Variants in TENM4 observed in about 807,000 individuals in gnomAD.
TENM4 encodes the protein teneurin transmembrane protein 4, also known as teneurin-4.
In TENM4, 82 loss-of-function variants were observed where a neutral mutation model predicts 243.3. The ratio of observed to expected loss-of-function variants is 0.34; its 90% confidence interval spans 0.28 to 0.40. TENM4 has a LOEUF of 0.40. Ranked by LOEUF, TENM4 falls within the 10% of genes least tolerant of loss-of-function variation. The probability of loss-of-function intolerance (pLI) is 1.00; values close to 1 mark genes in which losing one functional copy is unlikely to be tolerated. For missense variants in TENM4, 3,138 were observed against 3,673.3 expected (o/e 0.85, Z 3.77); for synonymous variants, 1,412 against 1,456.3 (o/e 0.97, Z 0.69).
At chr11:78,915,362 C>T (rs1207666639) in intron 6 of TENM4, among the ~76,000 whole-genome samples, 1 of 152,140 alleles carries the variant, frequency 6.6e-6, no homozygotes, top group Admixed American at 6.5e-5. Flanking sequence ...AGACTGTACG[C>T]TCCAAGGGCA....
chr11:78,767,611 G>A (rs1247928306), intron 18 of TENM4, among the ~76,000 whole-genome samples: 1 of 152,210 alleles, frequency 6.6e-6, no homozygotes, highest in African/African-American at 2.4e-5. Context: ...AAACATGCAG[G>A]AGAGGGAGTT....
At chr11:79,356,861 T>C (rs911271836) in intron 1 of TENM4, among the ~76,000 whole-genome samples, 1 of 152,184 alleles carries the variant, frequency 6.6e-6, no homozygotes, top group African/African-American at 2.4e-5. Flanking sequence ...CTCTCAGCAA[T>C]CGTTTCCACA....
intron 12 of TENM4, among the ~76,000 whole-genome samples, chr11:78,835,391 A>C (rs1858080396): frequency 6.6e-6 from 1 of 152,196 alleles, no homozygotes; most frequent in South Asian, 2.1e-4. Context: ...CTGTAGTCCC[A>C]GCTACTGGGG....
rs766037670 is a variant in TENM4 at position 79,228,773 on chromosome 11, C to T, written c.-264-12864G>A. ...GTTAGAGATTATAGAAAAATTGCCACGATAGCACAGACCTGCTATACCTAA... is the reference window on the plus strand; with the variant it reads ...GTTAGAGATTATAGAAAAATTGCCATGATAGCACAGACCTGCTATACCTAA... On this transcript the variant is annotated intron_variant, in intron 2 of 33. Coordinates refer to ENST00000278550, the MANE Select transcript of TENM4 (RefSeq NM_001098816.3). 2.2e-4 allele frequency among the ~76,000 whole-genome samples: 33 copies of T among 152,200 alleles called. 1 individual carries two copies. Among genetic ancestry groups the T allele is most frequent in the East Asian group, 5.8e-4 (3 of 5,180 alleles).
chr11:78,855,870 A>G, intron 11 of TENM4, 94 bp downstream of exon 11: 1 of 1,209,686 alleles, frequency 8.3e-7, no homozygotes, highest in Non-Finnish European at 1.2e-6. Flanking sequence ...ATGTCCCTTC[A>G]GGCTTAAGGC....
intron 32 of TENM4, among the ~76,000 whole-genome samples, chr11:78,666,785 G>C (rs975915554): frequency 3.3e-5 from 5 of 152,120 alleles, no homozygotes; most frequent in Admixed American, 6.5e-5. Flanking sequence ...GATAATGATG[G>C]TGATCTCACA....
chr11:79,130,762 G>T (rs1479006362), intron 4 of TENM4, among the ~76,000 whole-genome samples: 1 of 152,144 alleles, frequency 6.6e-6, no homozygotes, highest in Non-Finnish European at 1.5e-5. Context: ...GGCGGAGCTT[G>T]CAGTGAGCCG....
chr11:79,125,315 A>C (rs1206630190), intron 4 of TENM4, among the ~76,000 whole-genome samples: 2 of 152,198 alleles, frequency 1.3e-5, no homozygotes, highest in Admixed American at 6.5e-5. Context: ...GAAAGAAAGT[A>C]ATGAACTCAG....
intron 6 of TENM4, among the ~76,000 whole-genome samples, chr11:78,946,750 G>A (rs1275595786): frequency 6.6e-6 from 1 of 152,208 alleles, no homozygotes; most frequent in Non-Finnish European, 1.5e-5. Context: ...ACTGATTCCA[G>A]CTCTCACGGG....
chr11:79,224,963 G>T (rs1258841026), intron 2 of TENM4, among the ~76,000 whole-genome samples: 2 of 151,952 alleles, frequency 1.3e-5, no homozygotes, highest in Non-Finnish European at 1.5e-5. Context: ...AAAAAAAAGG[G>T]GGAGGGGGGA....
chr11:79,254,789 A>G (rs1379627660), intron 2 of TENM4, among the ~76,000 whole-genome samples: 2 of 152,188 alleles, frequency 1.3e-5, no homozygotes, highest in Admixed American at 1.3e-4. Context: ...ACAGGAAAGG[A>G]TCTGGAAGGA....
At chr11:78,932,441 G>C (rs76149543) in intron 6 of TENM4, among the ~76,000 whole-genome samples, 1 of 152,162 alleles carries the variant, frequency 6.6e-6, no homozygotes, top group African/African-American at 2.4e-5. Context: ...GATGGGATTA[G>C]GGGGAGGCCA....
At position 79,432,788 on chromosome 11, in the gene TENM4, A is replaced by G. The variant is rs150341624; in HGVS notation, c.-321+7721T>C. Reference sequence around the variant, plus strand: ...AACACTTTGCTAAATTATCAGTTTGAATTACATGGCATATTCTCGAAAGTT... The same window carrying G: ...AACACTTTGCTAAATTATCAGTTTGGATTACATGGCATATTCTCGAAAGTT... On this transcript the variant is annotated intron_variant, in intron 1 of 33. Transcript: ENST00000278550. Among the ~76,000 whole-genome samples the G allele has an allele frequency of 1.8e-3, 271 of 152,338 alleles. 2 individuals carry two copies. The East Asian group carries it at 0.032, about 18-fold the overall frequency.
At chr11:78,916,986 G>C (rs1565124725) in intron 6 of TENM4, among the ~76,000 whole-genome samples, 1 of 152,146 alleles carries the variant, frequency 6.6e-6, no homozygotes, top group Non-Finnish European at 1.5e-5. Context: ...TAATTCTGAA[G>C]TACCTCGGCT....
chr11:78,910,618 G>T (rs1305041791), intron 6 of TENM4, among the ~76,000 whole-genome samples: 1 of 152,224 alleles, frequency 6.6e-6, no homozygotes, highest in Non-Finnish European at 1.5e-5. Context: ...AAATGTGTAT[G>T]AAAGCACCTT....
chr11:78,899,578 A>G, intron 7 of TENM4, among the ~76,000 whole-genome samples: 1 of 134,406 alleles, frequency 7.4e-6, no homozygotes, highest in African/African-American at 2.7e-5. Context: ...GGGGAAAAAG[A>G]AAAAAGAAAG....
intron 1 of TENM4, among the ~76,000 whole-genome samples, chr11:79,321,041 C>G (rs1367207476): frequency 6.6e-6 from 1 of 152,202 alleles, no homozygotes; most frequent in South Asian, 2.1e-4. Context: ...TTTATCCTAG[C>G]AATTATTCTA....
intron 6 of TENM4, among the ~76,000 whole-genome samples, chr11:79,015,295 A>G (rs1054896460): frequency 2.6e-5 from 4 of 152,192 alleles, no homozygotes; most frequent in African/African-American, 9.7e-5. Flanking sequence ...TCATGGTCTA[A>G]GCCACTGCAA....
chr11:79,089,298 C>T (rs1039951423), intron 4 of TENM4, among the ~76,000 whole-genome samples: 1 of 152,162 alleles, frequency 6.6e-6, no homozygotes, highest in African/African-American at 2.4e-5. Context: ...CCCTTTTTGC[C>T]TCGACCTTCC....
Sources: gnomAD v4.1 joint callset for allele counts (sites outside exome capture counted in the v4.1 genomes callset) on GRCh38, gnomAD v4.1.1 for gene constraint, MANE v1.5 for transcripts, NCBI Gene and HGNC (gene_info 2026-07-23, HGNC 2026-07-21) for gene names.